Variants in BMPR1B observed in about 807,000 individuals in gnomAD.
BMPR1B encodes bone morphogenetic protein receptor type 1B, also known as bone morphogenetic protein receptor type-1B.
A neutral mutation model predicts 59.1 loss-of-function variants in BMPR1B; 12 were observed. The observed-to-expected ratio is 0.20, with a 90% CI of 0.13 to 0.33. BMPR1B has a LOEUF of 0.33. Among genes scored for constraint, BMPR1B ranks in the 10% least tolerant of loss-of-function variants. The probability of loss-of-function intolerance (pLI) is 1.00; values close to 1 mark genes in which losing one functional copy is unlikely to be tolerated. For synonymous variants in BMPR1B, 237 were observed against 207.3 expected (o/e 1.14, Z -1.23); for missense variants, 550 against 610.9 (o/e 0.90, Z 1.05).
rs370337918 is a variant in BMPR1B, at chr4:94,848,402, G to A, written c.-182-27429G>A. Reference sequence around the variant, plus strand: ...ATGGATTAGGAGTGAGGTACAATTCGTTTTATATTGGGGGAAGACAATCCT... The same window carrying A: ...ATGGATTAGGAGTGAGGTACAATTCATTTTATATTGGGGGAAGACAATCCT... On this transcript the variant is annotated intron_variant, in intron 1 of 12. Coordinates refer to ENST00000515059, the MANE Select transcript of BMPR1B (RefSeq NM_001203.3). 1.0e-3 allele frequency among the ~76,000 whole-genome samples: 155 copies of A among 152,280 alleles called. 3 individuals carry two copies. In the South Asian group the frequency reaches 0.03, roughly 30 times the overall value.
chr4:94,917,515 C>A (rs190202225), intron 2 of BMPR1B, among the ~76,000 whole-genome samples: 85 of 152,260 alleles, frequency 5.6e-4, no homozygotes, highest in Admixed American at 5.4e-3. Context: ...TAACGACTGC[C>A]CTGCTGGGTT....
chr4:95,040,331 A>G (rs1422049093), intron 3 of BMPR1B, among the ~76,000 whole-genome samples: 1 of 152,180 alleles, frequency 6.6e-6, no homozygotes. Context: ...TGTGTTAAGT[A>G]TAGTTGGTGT....
At chr4:95,029,077 T>TTTAC (rs1331814233) in intron 3 of BMPR1B, among the ~76,000 whole-genome samples, 1 of 147,716 alleles carries the variant, frequency 6.8e-6, no homozygotes, top group Non-Finnish European at 1.5e-5. Flanking sequence ...TTTTTATTTA[T>TTTAC]TTATTTTTTA....
At chr4:94,854,145 C>T (rs754456065) in intron 1 of BMPR1B, among the ~76,000 whole-genome samples, 5 of 151,870 alleles carry the variant, frequency 3.3e-5, no homozygotes, top group Non-Finnish European at 7.4e-5. Flanking sequence ...CTAGCAAGCC[C>T]CAAGATGCCT....
chr4:95,141,891 G>T (rs1734256223), intron 10 of BMPR1B, among the ~76,000 whole-genome samples: 1 of 152,184 alleles, frequency 6.6e-6, no homozygotes, highest in African/African-American at 2.4e-5. Context: ...AAGAGATAGG[G>T]TAGCTTAGTT....
intron 2 of BMPR1B, among the ~76,000 whole-genome samples, chr4:94,937,719 G>GACACACACACACACACACACACAGAC (rs70946570): frequency 3.4e-4 from 50 of 147,706 alleles, no homozygotes; most frequent in African/African-American, 1.0e-3. Flanking sequence ...CACACACACA[G>GACACACACACACACACACACACAGAC]ACACACACAC....
chr4:95,055,332 G>A (rs973099096), intron 3 of BMPR1B, among the ~76,000 whole-genome samples: 3 of 152,032 alleles, frequency 2.0e-5, no homozygotes, highest in African/African-American at 7.2e-5. Flanking sequence ...GTAAGAGGAG[G>A]ATAACAAACA....
chr4:95,090,446 G>A (rs1729897423), intron 3 of BMPR1B, among the ~76,000 whole-genome samples: 1 of 151,860 alleles, frequency 6.6e-6, no homozygotes, highest in African/African-American at 2.4e-5. Flanking sequence ...TGTTTAAAGT[G>A]GCACAGATAC....
chr4:95,152,396 T>C (rs990047549), intron 11 of BMPR1B, among the ~76,000 whole-genome samples: 1 of 152,210 alleles, frequency 6.6e-6, no homozygotes, highest in African/African-American at 2.4e-5. Context: ...TACTTAGCTT[T>C]TGGAAATTAG....
chr4:94,996,995 T>G (rs1392389508), intron 3 of BMPR1B, among the ~76,000 whole-genome samples: 2 of 152,218 alleles, frequency 1.3e-5, no homozygotes, highest in African/African-American at 4.8e-5. Flanking sequence ...GTTTTCTATG[T>G]ATTTTCTGGT....
intron 1 of BMPR1B, among the ~76,000 whole-genome samples, chr4:94,795,359 A>G (rs1341292900): frequency 1.3e-5 from 2 of 151,754 alleles, no homozygotes; most frequent in Admixed American, 1.3e-4. Context: ...CTTGCATCCC[A>G]GGGATGAAGC....
chr4:95,082,198 A>G (rs991075434), intron 3 of BMPR1B, among the ~76,000 whole-genome samples: 1 of 130,244 alleles, frequency 7.7e-6, no homozygotes, highest in Non-Finnish European at 1.6e-5. Flanking sequence ...TGAATTATAC[A>G]TTTTTTAACT....
chr4:94,805,217 A>G (rs780122656), intron 1 of BMPR1B, among the ~76,000 whole-genome samples: 90 of 152,276 alleles, frequency 5.9e-4, no homozygotes, highest in Non-Finnish European at 1.1e-3. Context: ...CAGTTTTAGG[A>G]TCATGTAGTG....
At chr4:95,087,538 C>G (rs1729676115) in intron 3 of BMPR1B, among the ~76,000 whole-genome samples, 1 of 152,006 alleles carries the variant, frequency 6.6e-6, no homozygotes, top group Admixed American at 6.6e-5. Context: ...CAAGACCTGC[C>G]TGGACAACAT....
intron 10 of BMPR1B, among the ~76,000 whole-genome samples, chr4:95,131,991 C>G (rs768063509): frequency 1.1e-4 from 16 of 152,204 alleles, no homozygotes; most frequent in Non-Finnish European, 1.8e-4. Flanking sequence ...GTGAATTTAA[C>G]ATCTGTGCAC....
At chr4:94,912,688 CT>C (rs1344075057) in intron 2 of BMPR1B, among the ~76,000 whole-genome samples, 1 of 152,072 alleles carries the variant, frequency 6.6e-6, no homozygotes, top group African/African-American at 2.4e-5. Flanking sequence ...GTAGCCAAGG[CT>C]TTTTAGACTC....
chr4:95,037,026 T>G (rs1725302873), intron 3 of BMPR1B, among the ~76,000 whole-genome samples: 1 of 152,142 alleles, frequency 6.6e-6, no homozygotes, highest in African/African-American at 2.4e-5. Flanking sequence ...ATGAATGACC[T>G]GAGGTTTTTT....
intron 3 of BMPR1B, among the ~76,000 whole-genome samples, chr4:95,086,684 G>A (rs1266926470): frequency 1.2e-4 from 19 of 152,088 alleles, no homozygotes; most frequent in Admixed American, 1.2e-3. Context: ...ATGAGATTTG[G>A]GATGTTTTAA....
chr4:95,134,298 G>A (rs932890316), intron 10 of BMPR1B, among the ~76,000 whole-genome samples: 20 of 152,266 alleles, frequency 1.3e-4, no homozygotes, highest in Admixed American at 4.6e-4. Context: ...TTGGTTCCCA[G>A]TCTTTGCTAT....
Sources: gnomAD v4.1 joint callset for allele counts (sites outside exome capture counted in the v4.1 genomes callset) on GRCh38, gnomAD v4.1.1 for gene constraint, MANE v1.5 for transcripts, NCBI Gene and HGNC (gene_info 2026-07-23, HGNC 2026-07-21) for gene names.